The following ACTR3C variants were observed in gnomAD, a reference collection of about 807,000 sequenced individuals.
ACTR3C encodes the protein actin-related protein 3C.
A neutral mutation model predicts 26.3 loss-of-function variants in ACTR3C; 18 were observed. The observed-to-expected ratio is 0.68, with a 90% CI of 0.47 to 1.01. The LOEUF is 1.01. Ranked by LOEUF, ACTR3C falls within the 50% of genes least tolerant of loss-of-function variation. The pLI is 0.00. For missense variants in ACTR3C, 184 were observed against 250.7 expected (o/e 0.73, Z 1.80); for synonymous variants, 55 against 94.5 (o/e 0.58, Z 2.42).
At chr7:150,250,240 G>A (rs977831171) in intron 6 of ACTR3C, among the ~76,000 whole-genome samples, 1 of 130,910 alleles carries the variant, frequency 7.6e-6, no homozygotes, top group African/African-American at 3.2e-5. Context: ...GTCTCGCTCT[G>A]TCGCCCAGGC....
At chr7:149,883,395 G>A in the ACTR3C span, among the ~76,000 whole-genome samples, 1 of 151,916 alleles carries the variant, frequency 6.6e-6, no homozygotes, top group Admixed American at 6.5e-5. Context: ...TGACACAGAT[G>A]CTCACGGACC....
chr7:150,161,222 A>ATATATATATT, the ACTR3C span, among the ~76,000 whole-genome samples: 63 of 120,400 alleles, frequency 5.2e-4, 3 homozygotes, highest in Non-Finnish European at 6.7e-4. Flanking sequence ...ATATATATAT[A>ATATATATATT]TATTTATTAT....
At chr7:150,299,490 A>AAC (rs1795248888) in intron 1 of ACTR3C, among the ~76,000 whole-genome samples, 2 of 144,350 alleles carry the variant, frequency 1.4e-5, no homozygotes, top group South Asian at 4.3e-4. Flanking sequence ...AAAAAAAAAA[A>AAC]AAAACAAAAA....
chr7:150,271,544 C>T (rs1834451643), intron 6 of ACTR3C, among the ~76,000 whole-genome samples: 1 of 149,886 alleles, frequency 6.7e-6, no homozygotes, highest in Non-Finnish European at 1.5e-5. Flanking sequence ...CATAGTATTC[C>T]ATGGTGTATA....
At chr7:150,155,158 G>T in the ACTR3C span, among the ~76,000 whole-genome samples, 1 of 152,170 alleles carries the variant, frequency 6.6e-6, no homozygotes, top group Admixed American at 6.5e-5. Flanking sequence ...GGAGAAAAAA[G>T]TGCCCACGGA....
At chr7:149,952,878 T>C in the ACTR3C span, among the ~76,000 whole-genome samples, 5 of 151,712 alleles carry the variant, frequency 3.3e-5, no homozygotes, top group Non-Finnish European at 7.4e-5. Flanking sequence ...TAAACTGATA[T>C]AAATTTTCTA....
At chr7:150,030,788 G>A in the ACTR3C span, among the ~76,000 whole-genome samples, 13 of 151,896 alleles carry the variant, frequency 8.6e-5, no homozygotes, top group Non-Finnish European at 1.6e-4. Context: ...CACTCCATTC[G>A]CAATGGCAGT....
At chr7:150,139,614 A>G in the ACTR3C span, among the ~76,000 whole-genome samples, 4 of 152,422 alleles carry the variant, frequency 2.6e-5, no homozygotes, top group South Asian at 2.1e-4. Context: ...AATAGCTCAG[A>G]GCAATTTTCA....
At chr7:149,951,689 T>C in the ACTR3C span, among the ~76,000 whole-genome samples, 3 of 151,934 alleles carry the variant, frequency 2.0e-5, no homozygotes, top group African/African-American at 7.3e-5. Context: ...GCTCATGTGT[T>C]TAAATAGGCC....
intron 1 of ACTR3C, among the ~76,000 whole-genome samples, chr7:150,295,714 C>T (rs1246203408): frequency 2.0e-5 from 3 of 149,980 alleles, no homozygotes; most frequent in Non-Finnish European, 4.4e-5. Flanking sequence ...ACATCAAAGG[C>T]GAACCGGTGA....
At chr7:150,272,172 T>A (rs141088126) in intron 6 of ACTR3C, among the ~76,000 whole-genome samples, 3,972 of 144,502 alleles carry the variant, frequency 0.027, 429 homozygotes, top group African/African-American at 0.11. Context: ...ACAATCCAAT[T>A]TTCTCTGAGA....
At chr7:150,283,726 C>T (rs374373371) in intron 6 of ACTR3C, among the ~76,000 whole-genome samples, 6 of 151,836 alleles carry the variant, frequency 4.0e-5, no homozygotes, top group South Asian at 2.1e-4. Flanking sequence ...TAGTATTCCA[C>T]GGCACAGGTG....
At chr7:150,245,276 C>T (rs1360545505), downstream of ACTR3C, 2 of 152,248 alleles carry the variant, frequency 1.3e-5, no homozygotes, top group African/African-American at 4.8e-5. Context: ...AACCTAGGAG[C>T]ATTAGCCATG....
chr7:150,047,136 T>G, the ACTR3C span, among the ~76,000 whole-genome samples: 4 of 142,696 alleles, frequency 2.8e-5, no homozygotes, highest in African/African-American at 2.6e-5. Flanking sequence ...AGGGACAGAG[T>G]GAGTAGGAGA....
chr7:150,290,527 T>G (rs888532692), intron 3 of ACTR3C, among the ~76,000 whole-genome samples: 33 of 152,248 alleles, frequency 2.2e-4, no homozygotes, highest in African/African-American at 7.7e-4. Context: ...TCACAGCTTC[T>G]GTGCCACAGT....
chr7:149,890,072 C>G, the ACTR3C span, among the ~76,000 whole-genome samples: 2 of 152,270 alleles, frequency 1.3e-5, no homozygotes, highest in Admixed American at 1.3e-4. Flanking sequence ...ATTCCAATAA[C>G]TATTAGCCTT....
At chr7:150,318,620 G>T (rs117724253) in intron 1 of ACTR3C, among the ~76,000 whole-genome samples, 2,527 of 152,244 alleles carry the variant, frequency 0.017, 29 homozygotes, top group Non-Finnish European at 0.026. Flanking sequence ...AAATTAGCCA[G>T]GCGTGGTGGT....
the ACTR3C span, among the ~76,000 whole-genome samples, chr7:150,055,795 A>C: frequency 6.6e-6 from 1 of 152,214 alleles, no homozygotes; most frequent in Admixed American, 6.5e-5. Flanking sequence ...GCAGAACTGC[A>C]AAGAAAAAAA....
the ACTR3C span, among the ~76,000 whole-genome samples, chr7:150,020,964 G>A: frequency 6.7e-4 from 102 of 152,050 alleles, 1 homozygote; most frequent in Middle Eastern, 3.4e-3. Flanking sequence ...GAGATTACAG[G>A]CACCCGCCAC....
Sources: allele counts gnomAD v4.1 joint callset (sites outside exome capture counted in the v4.1 genomes callset), GRCh38; gene constraint gnomAD v4.1.1; transcripts MANE v1.5; gene names NCBI Gene and HGNC (gene_info 2026-07-23, HGNC 2026-07-21).